Variants in ANO5 observed in about 807,000 individuals in gnomAD.
The protein encoded by ANO5 is anoctamin-5.
A neutral mutation model predicts 121.0 loss-of-function variants in ANO5; 109 were observed. That is an observed-to-expected ratio of 0.90 (90% CI 0.77 to 1.06). The LOEUF is 1.06. ANO5 is among the 50% of genes least tolerant of loss of function. The pLI, the probability that ANO5 is intolerant of heterozygous loss-of-function variation, is 0.00. For synonymous variants in ANO5, 406 were observed against 359.9 expected, an observed-to-expected ratio of 1.13 and a Z score of -1.45; for missense variants, 1,064 against 1,078.5, an observed-to-expected ratio of 0.99 and a Z score of 0.19.
chr11:22,279,170 T>C (rs1031268734), intron 21 of ANO5, among the ~76,000 whole-genome samples: 8 of 151,890 alleles, frequency 5.3e-5, no homozygotes, highest in East Asian at 1.9e-4. Context: ...TGAAACAAAA[T>C]TGGCTTTTGT....
At chr11:22,193,001 G>C, upstream of ANO5, 1 of 985,372 alleles carries the variant, frequency 1.0e-6, no homozygotes, top group Non-Finnish European at 1.2e-6. Flanking sequence ...GGCGCCGGCC[G>C]GTCTTGCGGT....
At chr11:22,236,911 GT>G (rs879932649) in intron 8 of ANO5, among the ~76,000 whole-genome samples, 1 of 152,178 alleles carries the variant, frequency 6.6e-6, no homozygotes, top group Non-Finnish European at 1.5e-5. Flanking sequence ...GAGTTTATAA[GT>G]TTAATAGAGA....
intron 15 of ANO5, 75 bp from the exon 16 acceptor site, chr11:22,262,054 C>T: frequency 7.0e-7 from 1 of 1,425,130 alleles, no homozygotes; most frequent in Middle Eastern, 2.4e-4. Flanking sequence ...ACTAGATGTT[C>T]ACTTGTCCTA....
chr11:22,246,928 A>G (rs1430948150), intron 9 of ANO5, among the ~76,000 whole-genome samples: 3 of 151,648 alleles, frequency 2.0e-5, no homozygotes, highest in Admixed American at 2.0e-4. Context: ...CAATTGACAC[A>G]TTTCTTTTAA....
upstream of ANO5, chr11:22,193,050 C>G (rs996359283): frequency 2.0e-6 from 2 of 1,019,316 alleles, no homozygotes; most frequent in Non-Finnish European, 2.4e-6. Flanking sequence ...AGGGACGCAG[C>G]GAAGGGGAAA....
chr11:22,274,716 C>G lies in ANO5; in HGVS notation c.2383C>G (p.Pro795Ala). The change falls in exon 20 of 22, where the codon CCT becomes GCT. Residue 795 changes from proline to alanine, a missense_variant. By Grantham distance (27) the Pro-to-Ala change is conservative (BLOSUM62 -1). Transcript: ENST00000324559. ...AGCTGATTTTCCAAACCACACTGCA[C>G]CTTCGGAAAAACGAGACTTCATCAC... is the stretch of plus-strand genomic sequence containing the variant. ...LIADFPNHTAPSEKRDFITCR... is the reference protein window; with the variant it reads ...LIADFPNHTAASEKRDFITCR... 1 of 1,613,458 alleles carries G rather than the reference C, an allele frequency of 6.2e-7. No individual in the cohort carries two copies. The highest frequency in any genetic ancestry group is 8.5e-7 in the Non-Finnish European group (1 of 1,179,572).
intron 18 of ANO5, among the ~76,000 whole-genome samples, chr11:22,272,536 C>G (rs1854659726): frequency 1.3e-5 from 2 of 152,138 alleles, no homozygotes; most frequent in South Asian, 4.1e-4. Flanking sequence ...TTGTAACAAG[C>G]ATATCTCTAA....
chr11:22,222,402 A>T (rs7951981), intron 5 of ANO5, among the ~76,000 whole-genome samples: 1 of 151,642 alleles, frequency 6.6e-6, no homozygotes, highest in South Asian at 2.1e-4. Context: ...CTTTTCCAAT[A>T]ATCTTAGCTT....
intron 15 of ANO5, among the ~76,000 whole-genome samples, chr11:22,261,911 C>T (rs918238998): frequency 8.5e-5 from 13 of 152,140 alleles, no homozygotes; most frequent in African/African-American, 2.4e-4. Context: ...GTAACAATAG[C>T]TTCCTAGGCT....
At chr11:22,232,612 G>A (rs1339628918) in intron 7 of ANO5, among the ~76,000 whole-genome samples, 2 of 151,846 alleles carry the variant, frequency 1.3e-5, no homozygotes, top group Non-Finnish European at 2.9e-5. Context: ...TCTTTTAAAA[G>A]TTGTATTATT....
intron 1 of ANO5, among the ~76,000 whole-genome samples, chr11:22,197,222 C>T (rs1851839876): frequency 6.6e-6 from 1 of 152,144 alleles, no homozygotes; most frequent in Admixed American, 6.5e-5. Flanking sequence ...AATCAGTGAT[C>T]TCCAATTGGC....
chr11:22,237,140 T>A (rs1853250333), intron 8 of ANO5, among the ~76,000 whole-genome samples: 1 of 152,222 alleles, frequency 6.6e-6, no homozygotes, highest in African/African-American at 2.4e-5. Context: ...TTGTTGTTTC[T>A]TTTGTTACAG....
At chr11:22,270,147 C>A (rs1028037879) in intron 17 of ANO5, among the ~76,000 whole-genome samples, 165 bp from the exon 18 acceptor site, 2 of 152,198 alleles carry the variant, frequency 1.3e-5, no homozygotes, top group African/African-American at 4.8e-5. Flanking sequence ...ATGAAAAGAA[C>A]ACCAGATTTT....
chr11:22,267,744 C>G (rs147436726), intron 17 of ANO5, among the ~76,000 whole-genome samples: 1 of 152,016 alleles, frequency 6.6e-6, no homozygotes, highest in African/African-American at 2.4e-5. Flanking sequence ...AGTACTTATT[C>G]TTCCTGATCC....
chr11:22,196,196 T>A (rs144723592), intron 1 of ANO5, among the ~76,000 whole-genome samples: 1 of 152,204 alleles, frequency 6.6e-6, no homozygotes, highest in East Asian at 1.9e-4. Context: ...GAGCATGGTA[T>A]TGGCATCTGA....
intron 9 of ANO5, among the ~76,000 whole-genome samples, chr11:22,244,745 T>C (rs571732357): frequency 6.6e-6 from 1 of 152,252 alleles, no homozygotes; most frequent in African/African-American, 2.4e-5. Flanking sequence ...TTTTGTTTTT[T>C]CCTAAAATGG....
At chr11:22,266,059 A>G (rs577945711) in intron 17 of ANO5, among the ~76,000 whole-genome samples, 1 of 152,352 alleles carries the variant, frequency 6.6e-6, no homozygotes, top group African/African-American at 2.4e-5. Flanking sequence ...CATATGCAAA[A>G]TAATGAAACT....
chr11:22,241,064 T>C (rs985683419), intron 9 of ANO5, among the ~76,000 whole-genome samples: 1 of 151,870 alleles, frequency 6.6e-6, no homozygotes. Context: ...GTGGTATACA[T>C]GCATGTTTTT....
intron 21 of ANO5, among the ~76,000 whole-genome samples, chr11:22,279,287 G>C (rs1854985373): frequency 1.3e-5 from 2 of 151,898 alleles, no homozygotes; most frequent in South Asian, 4.1e-4. Flanking sequence ...AGGTTTTCAG[G>C]AAGGAGCAGT....
Sources: allele counts gnomAD v4.1 joint callset (sites outside exome capture counted in the v4.1 genomes callset), GRCh38; gene constraint gnomAD v4.1.1; transcripts MANE v1.5; gene names NCBI Gene and HGNC (gene_info 2026-07-23, HGNC 2026-07-21).